The following COL13A1 variants were observed in gnomAD, a reference collection of about 807,000 sequenced individuals.
COL13A1 encodes collagen type XIII alpha 1 chain.
A neutral mutation model predicts 130.9 loss-of-function variants in COL13A1; 89 were observed. That is an observed-to-expected ratio of 0.68 (90% CI 0.57 to 0.81). COL13A1 has a LOEUF of 0.81. Ranked by LOEUF, COL13A1 falls within the 30% of genes least tolerant of loss-of-function variation. The pLI, the probability that COL13A1 is intolerant of heterozygous loss-of-function variation, is 0.00. For missense variants in COL13A1, 879 were observed against 934.6 expected (o/e 0.94, Z 0.78); for synonymous variants, 402 against 341.6 (o/e 1.18, Z -1.95).
At chr10:69,892,784 T>C (rs988662777) in intron 10 of COL13A1, among the ~76,000 whole-genome samples, 4 of 152,224 alleles carry the variant, frequency 2.6e-5, no homozygotes, top group African/African-American at 9.6e-5. Flanking sequence ...TCCAAATTTT[T>C]ATTTGCACTC....
intron 17 of COL13A1, 70 bp from the exon 18 acceptor site, chr10:69,917,219 C>T: frequency 1.3e-6 from 2 of 1,589,878 alleles, no homozygotes; most frequent in Non-Finnish European, 1.7e-6. Flanking sequence ...GACATTCTCA[C>T]CGACATCCTT....
intron 2 of COL13A1, among the ~76,000 whole-genome samples, chr10:69,839,164 C>CCATT (rs537294421): frequency 8.5e-5 from 13 of 152,236 alleles, no homozygotes; most frequent in South Asian, 4.2e-4. Flanking sequence ...GAGAGGTGAC[C>CCATT]CATTCATTCA....
chr10:69,914,424 G>A (rs1474171544), intron 17 of COL13A1, among the ~76,000 whole-genome samples: 1 of 152,214 alleles, frequency 6.6e-6, no homozygotes, highest in African/African-American at 2.4e-5. Context: ...ACCAGTGGAT[G>A]GGAGGTATCT....
At chr10:69,840,863 C>T (rs1589373271) in intron 2 of COL13A1, among the ~76,000 whole-genome samples, 1 of 152,142 alleles carries the variant, frequency 6.6e-6, no homozygotes, top group East Asian at 1.9e-4. Context: ...CCATCCTAAT[C>T]CAACCCAGCG....
At chr10:69,906,744 T>G (rs1049040921) in intron 17 of COL13A1, among the ~76,000 whole-genome samples, 1 of 152,070 alleles carries the variant, frequency 6.6e-6, no homozygotes, top group East Asian at 1.9e-4. Flanking sequence ...TGTTTTTGTT[T>G]TTTTTGAGAC....
At position 69,919,049 on chromosome 10, in the gene COL13A1, T is replaced by C; in HGVS notation, c.1000-13T>C. On this transcript the variant is annotated splice_polypyrimidine_tract_variant and intron_variant, in intron 19 of 40. Transcript: ENST00000645393. ...TTTCTGTCTCTCACATTTGTTTCTCTTTTTCCACACAGGGTGAGCCAGGGA... is the reference window on the plus strand; with the variant it reads ...TTTCTGTCTCTCACATTTGTTTCTCCTTTTCCACACAGGGTGAGCCAGGGA... 1 of 1,613,900 alleles carries C rather than the reference T, an allele frequency of 6.2e-7. No individual in the cohort carries two copies. The highest frequency in any genetic ancestry group is 8.5e-7 in the Non-Finnish European group (1 of 1,179,800).
At chr10:69,838,731 A>G (rs1850777080) in intron 2 of COL13A1, among the ~76,000 whole-genome samples, 1 of 152,248 alleles carries the variant, frequency 6.6e-6, no homozygotes, top group Non-Finnish European at 1.5e-5. Context: ...CCTGCTGTAT[A>G]CAGAGCGCCA....
Position 69,822,359 on chromosome 10 carries a change from C to T in COL13A1, c.295-10C>T, listed in dbSNP as rs763608119. The T allele has an allele frequency of 3.8e-6, 6 of 1,572,992 alleles. No homozygotes were observed. In the African/African-American group the frequency reaches 6.8e-5, roughly 18 times the overall value. On this transcript the variant is annotated splice_polypyrimidine_tract_variant and intron_variant, in intron 1 of 40. Coordinates refer to ENST00000645393, the MANE Select transcript of COL13A1 (RefSeq NM_001368882.1). ...TCCTGGTGACTCCTCTTGTCTGTCT[C>T]CTTGTACAGAAATGGAAGCTCCACT...
chr10:69,906,421 C>T (rs902180636), intron 17 of COL13A1, among the ~76,000 whole-genome samples: 12 of 152,162 alleles, frequency 7.9e-5, no homozygotes, highest in Non-Finnish European at 1.3e-4. Context: ...GCCCCATTCA[C>T]ATGTCTGGTG....
intron 17 of COL13A1, among the ~76,000 whole-genome samples, chr10:69,910,931 G>A (rs2063307327): frequency 1.3e-5 from 2 of 152,188 alleles, no homozygotes; most frequent in South Asian, 4.1e-4. Context: ...TTTGCATGAA[G>A]GACCATGGCT....
At chr10:69,805,353 G>A (rs917320768) in intron 1 of COL13A1, among the ~76,000 whole-genome samples, 2 of 152,062 alleles carry the variant, frequency 1.3e-5, no homozygotes, top group Admixed American at 1.3e-4. Flanking sequence ...AATGGTGGCT[G>A]AGGTCAATAG....
At chr10:69,813,016 G>C (rs750690037) in intron 1 of COL13A1, among the ~76,000 whole-genome samples, 3 of 152,234 alleles carry the variant, frequency 2.0e-5, no homozygotes, top group Non-Finnish European at 4.4e-5. Flanking sequence ...TGGTTTGTAG[G>C]CTCTTCTGTT....
chr10:69,951,808 AGC>A (rs2069605704), intron 38 of COL13A1, among the ~76,000 whole-genome samples: 1 of 152,252 alleles, frequency 6.6e-6, no homozygotes, highest in African/African-American at 2.4e-5. Flanking sequence ...TACGCTGCCC[AGC>A]ATTCAGTGTC....
intron 31 of COL13A1, 150 bp from the exon 32 acceptor site, chr10:69,935,200 T>A: frequency 4.6e-6 from 3 of 654,252 alleles, no homozygotes; most frequent in Non-Finnish European, 2.7e-6. Context: ...TTCTGAGCCT[T>A]TTTTGGGGGA....
chr10:69,918,380 C>A, intron 19 of COL13A1, 63 bp downstream of exon 19: 1 of 1,561,266 alleles, frequency 6.4e-7, no homozygotes, highest in South Asian at 1.1e-5. Flanking sequence ...GCGGGCAGAG[C>A]TGGAAATCTT....
intron 4 of COL13A1, among the ~76,000 whole-genome samples, chr10:69,874,864 G>A (rs2059423701): frequency 6.6e-6 from 1 of 152,178 alleles, no homozygotes; most frequent in Non-Finnish European, 1.5e-5. Context: ...GCCCAGGCTG[G>A]GACCAGACTC....
intron 2 of COL13A1, chr10:69,829,138 G>A (rs1156288940): frequency 2.7e-6 from 2 of 729,782 alleles, no homozygotes; most frequent in Non-Finnish European, 3.4e-6. Context: ...GCTTCAGGCT[G>A]AACACCACCA....
intron 38 of COL13A1, among the ~76,000 whole-genome samples, chr10:69,949,895 G>C (rs1028776070): frequency 2.7e-5 from 3 of 112,912 alleles, no homozygotes; most frequent in African/African-American, 1.0e-4. Flanking sequence ...TCTCTGAGAT[G>C]CCCAACTTTG....
At chr10:69,935,475 A>G in intron 32 of COL13A1, 84 bp downstream of exon 32, 1 of 998,358 alleles carries the variant, frequency 1.0e-6, no homozygotes, top group Non-Finnish European at 1.4e-6. Context: ...AGCCTTAGTC[A>G]CTATCACCTC....
Sources: gnomAD v4.1 joint callset for allele counts (sites outside exome capture counted in the v4.1 genomes callset) on GRCh38, gnomAD v4.1.1 for gene constraint, MANE v1.5 for transcripts, NCBI Gene and HGNC (gene_info 2026-07-23, HGNC 2026-07-21) for gene names.